The following NR6A1 variants were observed in gnomAD, a reference collection of about 807,000 sequenced individuals.
The protein encoded by NR6A1 is retinoic acid receptor-related testis-associated receptor.
NR6A1 carries 7 observed loss-of-function variants against 59.1 expected under a neutral mutation model. The observed-to-expected ratio is 0.12, with a 90% confidence interval of 0.07 to 0.22. NR6A1 has a LOEUF of 0.22. Ranked by LOEUF, NR6A1 falls within the 10% of genes least tolerant of loss-of-function variation. The pLI is 1.00. For missense variants in NR6A1, 468 were observed against 611.6 expected (o/e 0.77, Z 2.48); for synonymous variants, 243 against 236.1 (o/e 1.03, Z -0.27).
chr9:124,644,796 C>T (rs1836884870), intron 2 of NR6A1, among the ~76,000 whole-genome samples: 1 of 152,124 alleles, frequency 6.6e-6, no homozygotes, highest in African/African-American at 2.4e-5. Context: ...GTGTGTACCC[C>T]AAGGACCCTC....
chr9:124,713,650 T>A (rs1468472654), intron 2 of NR6A1, among the ~76,000 whole-genome samples: 1 of 152,106 alleles, frequency 6.6e-6, no homozygotes, highest in Non-Finnish European at 1.5e-5. Context: ...ATGCTCAATA[T>A]CACTAATCAT....
intron 2 of NR6A1, among the ~76,000 whole-genome samples, chr9:124,681,591 C>A (rs184439988): frequency 6.6e-6 from 1 of 152,026 alleles, no homozygotes; most frequent in Non-Finnish European, 1.5e-5. Context: ...CTGCCCACCT[C>A]GGTCTCCCAA....
At chr9:124,595,705 GA>G (rs1835252837) in intron 2 of NR6A1, 1 of 1,084,360 alleles carries the variant, frequency 9.2e-7, no homozygotes, top group African/African-American at 1.6e-5. Context: ...AACCTTCAAA[GA>G]AAATTTCTAA....
intron 7 of NR6A1, among the ~76,000 whole-genome samples, chr9:124,533,155 C>T (rs1170452020): frequency 1.3e-5 from 2 of 152,190 alleles, no homozygotes; most frequent in Non-Finnish European, 2.9e-5. Flanking sequence ...AGTCCCAGGC[C>T]GAACTGGTAG....
chr9:124,647,149 T>A (rs536140719), intron 2 of NR6A1, among the ~76,000 whole-genome samples: 24 of 152,278 alleles, frequency 1.6e-4, no homozygotes, highest in African/African-American at 5.5e-4. Context: ...ACTCCTGGTC[T>A]CAAGTGATCC....
Position 124,522,675 on chromosome 9 carries a change from G to C in NR6A1, c.*30C>G. ...CTGTCCTGCCCACCCAAGACGCTGTGGTTGGCCTGAGGAGGGCGCCTGGAA... is the reference window on the plus strand; with the variant it reads ...CTGTCCTGCCCACCCAAGACGCTGTCGTTGGCCTGAGGAGGGCGCCTGGAA... On this transcript the variant is annotated 3_prime_UTR_variant, in exon 10 of 10. Transcript: ENST00000487099. 1 of 1,537,898 alleles carries C rather than the reference G, an allele frequency of 6.5e-7. No homozygotes were observed. The highest frequency in any genetic ancestry group is 8.8e-7 in the Non-Finnish European group (1 of 1,135,524).
At chr9:124,759,353 T>G (rs1489654993) in intron 1 of NR6A1, among the ~76,000 whole-genome samples, 5 of 152,210 alleles carry the variant, frequency 3.3e-5, no homozygotes, top group Non-Finnish European at 7.3e-5. Context: ...CACTTTAAAT[T>G]ACAGGAGAAC....
rs550060874 is a variant in NR6A1, at chr9:124,588,586, C to T, written c.143-34016G>A. ...GCCTCCCAAGTGCTGGGATTACAGG[C>T]GTGAGCCACTGCACCCAGGAACACG... On this transcript the variant is annotated intron_variant, in intron 2 of 9. Coordinates refer to ENST00000487099, the MANE Select transcript of NR6A1 (RefSeq NM_033334.4). Among the ~76,000 whole-genome samples the T allele has an allele frequency of 8.8e-5, 13 of 148,288 alleles. No homozygotes were observed. The South Asian group carries it at 2.2e-3, about 26-fold the overall frequency.
intron 1 of NR6A1, among the ~76,000 whole-genome samples, chr9:124,739,921 T>G (rs1840127576): frequency 6.6e-6 from 1 of 152,236 alleles, no homozygotes; most frequent in African/African-American, 2.4e-5. Flanking sequence ...GTTCTGCTAG[T>G]TACTCAGTCT....
At chr9:124,741,431 T>C (rs146666948) in intron 1 of NR6A1, among the ~76,000 whole-genome samples, 1 of 152,370 alleles carries the variant, frequency 6.6e-6, no homozygotes, top group East Asian at 1.9e-4. Flanking sequence ...CTACCCATAC[T>C]GTAACAGGCC....
intron 2 of NR6A1, among the ~76,000 whole-genome samples, chr9:124,670,378 G>A (rs779766094): frequency 4.9e-4 from 74 of 152,162 alleles, no homozygotes; most frequent in Non-Finnish European, 1.0e-4. Context: ...GACCAAGTGA[G>A]ACACTTTCAA....
intron 2 of NR6A1, among the ~76,000 whole-genome samples, chr9:124,695,545 G>A (rs1312990889): frequency 6.6e-6 from 1 of 152,008 alleles, no homozygotes; most frequent in African/African-American, 2.4e-5. Flanking sequence ...TGTGTTTTTA[G>A]AAGAAATGTG....
At chr9:124,730,555 C>CTTTT (rs56330244) in intron 2 of NR6A1, among the ~76,000 whole-genome samples, 2 of 123,138 alleles carry the variant, frequency 1.6e-5, no homozygotes, top group Non-Finnish European at 3.3e-5. Context: ...ATTTTTTAGT[C>CTTTT]TTTTTTTTTT....
intron 2 of NR6A1, among the ~76,000 whole-genome samples, chr9:124,558,536 A>C (rs2131396103): frequency 6.6e-6 from 1 of 152,170 alleles, no homozygotes; most frequent in South Asian, 2.1e-4. Flanking sequence ...ATAACAACAG[A>C]ATCAGCTATT....
chr9:124,636,292 T>C (rs1836609815), intron 2 of NR6A1, among the ~76,000 whole-genome samples: 2 of 152,358 alleles, frequency 1.3e-5, no homozygotes, highest in South Asian at 4.1e-4. Flanking sequence ...TTAAAGGTTC[T>C]TTAGACATTT....
chr9:124,619,273 A>G (rs551209114), intron 2 of NR6A1, among the ~76,000 whole-genome samples: 1 of 151,772 alleles, frequency 6.6e-6, no homozygotes, highest in African/African-American at 2.4e-5. Flanking sequence ...TAAAAAAAAA[A>G]TTTTTTTTGA....
At position 124,761,263 on chromosome 9, in the gene NR6A1, A is replaced by G. The variant is rs372262430; in HGVS notation, c.100+9757T>C. On this transcript the variant is annotated intron_variant, in intron 1 of 9. Transcript: ENST00000487099. ...AAAAATGTTTTCAAAGGTACATTAC[A>G]TGAAACTCCAAGAATATCAAGATAA... Among the ~76,000 whole-genome samples the G allele has an allele frequency of 2.1e-3, 317 of 152,374 alleles. 5 individuals are homozygous for G. The highest frequency in any genetic ancestry group is 7.1e-3 in the African/African-American group (296 of 41,596).
intron 1 of NR6A1, 49 bp downstream of exon 1, chr9:124,770,971 C>G: frequency 1.9e-6 from 2 of 1,060,184 alleles, no homozygotes; most frequent in Non-Finnish European, 2.4e-6. Context: ...GGCGGAGGCT[C>G]AGGAAGCCGG....
At chr9:124,761,238 A>T (rs576832393) in intron 1 of NR6A1, among the ~76,000 whole-genome samples, 1 of 152,360 alleles carries the variant, frequency 6.6e-6, no homozygotes, top group South Asian at 2.1e-4. Flanking sequence ...CACAAAACAC[A>T]AAAATGTTTT....
Sources: allele counts gnomAD v4.1 joint callset (sites outside exome capture counted in the v4.1 genomes callset), GRCh38; gene constraint gnomAD v4.1.1; transcripts MANE v1.5; gene names NCBI Gene and HGNC (gene_info 2026-07-23, HGNC 2026-07-21).